Variants in SATB2 observed in about 807,000 individuals in gnomAD.
SATB2 encodes DNA-binding protein SATB2.
SATB2 carries 1 observed loss-of-function variant against 73.4 expected under a neutral mutation model. That is an observed-to-expected ratio of 0.01 (90% CI 0.00 to 0.06). The LOEUF (loss-of-function observed/expected upper bound fraction) is 0.06. Among genes scored for constraint, SATB2 ranks in the 10% least tolerant of loss-of-function variants. The probability of loss-of-function intolerance (pLI) is 1.00; values close to 1 mark genes in which losing one functional copy is unlikely to be tolerated. For synonymous variants in SATB2, 397 were observed against 367.0 expected (o/e 1.08, Z -0.93); for missense variants, 459 against 945.8 (o/e 0.49, Z 6.75).
chr2:199,386,754 ACACACACACAC>A (rs1335591097), intron 3 of SATB2, among the ~76,000 whole-genome samples: 23 of 120,516 alleles, frequency 1.9e-4, no homozygotes, highest in African/African-American at 5.8e-4. Flanking sequence ...ACACACACAC[ACACACACACAC>A]ACCTTTGAGT....
Position 199,455,873 on chromosome 2 carries a change from C to T in SATB2, c.165G>A (p.Val55=). Residue 55 remains valine, a synonymous_variant, in exon 2 of 11, where the codon GTG becomes GTA. Transcript: ENST00000417098. This position sits in a 1 kb window ranked among gnomAD's most constrained non-coding sequence, Gnocchi z 4.1. ...CTCCCTGCTCCGGGCTGTTACCTCC[C>T]ACGGCCTTGGCCACGGCGCCGTTGG... ...GRPNGAVAKA[V]GGLMIPVFCV... 1 of 1,536,880 alleles carries T rather than the reference C, an allele frequency of 6.5e-7. No homozygotes were observed. Among genetic ancestry groups the T allele is most frequent in the Non-Finnish European group, 8.7e-7 (1 of 1,147,820 alleles).
intron 3 of SATB2, among the ~76,000 whole-genome samples, chr2:199,398,476 A>C (rs1358032085): frequency 6.6e-6 from 1 of 152,200 alleles, no homozygotes; most frequent in Non-Finnish European, 1.5e-5. Context: ...TTCAATTTAT[A>C]GGGTCCTGGG....
At chr2:199,422,145 G>A (rs1326167606) in intron 3 of SATB2, among the ~76,000 whole-genome samples, 1 of 152,040 alleles carries the variant, frequency 6.6e-6, no homozygotes, top group Non-Finnish European at 1.5e-5. Flanking sequence ...TGTTAAGTAA[G>A]AACTAGAAGT....
chr2:199,390,616 T>C (rs1463192294), intron 3 of SATB2, among the ~76,000 whole-genome samples: 1 of 152,218 alleles, frequency 6.6e-6, no homozygotes, highest in African/African-American at 2.4e-5. Context: ...TGCTACATTC[T>C]AGCAGATGCT....
chr2:199,355,253 T>C (rs1163632008), intron 6 of SATB2, among the ~76,000 whole-genome samples: 1 of 150,598 alleles, frequency 6.6e-6, no homozygotes, highest in African/African-American at 2.4e-5. Flanking sequence ...GATGTGTGTA[T>C]ATATGTGTAT....
intron 2 of SATB2, among the ~76,000 whole-genome samples, chr2:199,445,754 T>C (rs1479475219): frequency 6.6e-6 from 1 of 152,160 alleles, no homozygotes; most frequent in Non-Finnish European, 1.5e-5. Context: ...TTATACTCCG[T>C]CGATACTAAA....
chr2:199,275,516 A>G (rs1236039837), intron 10 of SATB2, among the ~76,000 whole-genome samples: 1 of 152,132 alleles, frequency 6.6e-6, no homozygotes. Context: ...AACATGTAGC[A>G]TCTCCTCTTA....
intron 3 of SATB2, among the ~76,000 whole-genome samples, chr2:199,386,588 C>T (rs1235463421): frequency 6.6e-6 from 1 of 152,158 alleles, no homozygotes; most frequent in East Asian, 1.9e-4. Flanking sequence ...CTTAAGTATA[C>T]AGATGTTATT....
chr2:199,288,880 C>G (rs1692764378), intron 10 of SATB2, among the ~76,000 whole-genome samples: 1 of 152,150 alleles, frequency 6.6e-6, no homozygotes, highest in South Asian at 2.1e-4. Context: ...TCGCCTCAAA[C>G]CATGAGGCAG....
At chr2:199,353,299 C>T (rs1688876344) in intron 6 of SATB2, among the ~76,000 whole-genome samples, 1 of 151,696 alleles carries the variant, frequency 6.6e-6, no homozygotes, top group Non-Finnish European at 1.5e-5. Context: ...GGATTACAAG[C>T]ATGTGCCACG....
intron 3 of SATB2, among the ~76,000 whole-genome samples, chr2:199,399,420 G>C (rs1406417536): frequency 6.6e-6 from 1 of 152,172 alleles, no homozygotes; most frequent in East Asian, 1.9e-4. Flanking sequence ...TGCTTTCCAA[G>C]TGACTGCAAA....
chr2:199,294,521 T>A (rs1203595756), intron 10 of SATB2, among the ~76,000 whole-genome samples: 2 of 152,180 alleles, frequency 1.3e-5, no homozygotes, highest in African/African-American at 2.4e-5. Context: ...TGTTTAACTA[T>A]TTTAGCCCCT....
chr2:199,378,893 A>T (rs1689681439), intron 5 of SATB2, among the ~76,000 whole-genome samples: 1 of 152,210 alleles, frequency 6.6e-6, no homozygotes, highest in Non-Finnish European at 1.5e-5. Context: ...CAACCAGGAC[A>T]TGAATCCAGC....
intron 9 of SATB2, among the ~76,000 whole-genome samples, chr2:199,313,728 G>A (rs1427293427): frequency 6.6e-6 from 1 of 152,116 alleles, no homozygotes; most frequent in Non-Finnish European, 1.5e-5. Flanking sequence ...AATTCTTTCT[G>A]GAAGATGAAT....
chr2:199,285,909 A>G (rs1179652057), intron 10 of SATB2, among the ~76,000 whole-genome samples: 1 of 146,788 alleles, frequency 6.8e-6, no homozygotes, highest in Non-Finnish European at 1.5e-5. Context: ...TATTGTAACC[A>G]AGATACTACT....
At chr2:199,442,207 T>C (rs1691836453) in intron 2 of SATB2, among the ~76,000 whole-genome samples, 1 of 152,210 alleles carries the variant, frequency 6.6e-6, no homozygotes, top group Non-Finnish European at 1.5e-5. Context: ...CTGTCAAACT[T>C]GTCCATATCA....
intron 7 of SATB2, among the ~76,000 whole-genome samples, chr2:199,340,617 A>C (rs140993304): frequency 1.8e-3 from 281 of 152,320 alleles, no homozygotes; most frequent in Admixed American, 5.2e-3. Context: ...CATACAACAT[A>C]AATAATGAGT....
At chr2:199,412,259 A>G (rs1690843254) in intron 3 of SATB2, among the ~76,000 whole-genome samples, 1 of 152,242 alleles carries the variant, frequency 6.6e-6, no homozygotes. Flanking sequence ...AGCCTCAGTC[A>G]GGAAGCAAAT....
At chr2:199,281,527 G>C (rs911753775) in intron 10 of SATB2, among the ~76,000 whole-genome samples, 1 of 151,632 alleles carries the variant, frequency 6.6e-6, no homozygotes, top group Non-Finnish European at 1.5e-5. Context: ...ACAACAATTG[G>C]TTGAAAGTCC....
Sources: gnomAD v4.1 joint callset for allele counts (sites outside exome capture counted in the v4.1 genomes callset) on GRCh38, gnomAD v4.1.1 for gene constraint, Gnocchi (gnomAD v3.1) non-coding constraint, MANE v1.5 for transcripts, NCBI Gene and HGNC (gene_info 2026-07-23, HGNC 2026-07-21) for gene names.